Variants in ALK observed in about 807,000 individuals in gnomAD.
The protein encoded by ALK is ALK tyrosine kinase receptor.
In ALK, 74 loss-of-function variants were observed where a neutral mutation model predicts 163.1. The ratio of observed to expected loss-of-function variants is 0.45; its 90% CI spans 0.38 to 0.55. ALK has a LOEUF of 0.55. Ranked by LOEUF, ALK falls within the 20% of genes least tolerant of loss-of-function variation. The probability of loss-of-function intolerance (pLI) is 0.00; values close to 1 mark genes in which losing one functional copy is unlikely to be tolerated. For missense variants in ALK, 2,063 were observed against 2,105.3 expected (o/e 0.98, Z 0.39); for synonymous variants, 960 against 843.2 (o/e 1.14, Z -2.40).
chr2:29,212,972 T>C (rs1196547472), intron 24 of ALK, among the ~76,000 whole-genome samples: 1 of 152,238 alleles, frequency 6.6e-6, no homozygotes, highest in Non-Finnish European at 1.5e-5. Context: ...CCCAAAGTGC[T>C]GGGATTACAG....
At chr2:29,290,322 C>T (rs1248064201) in intron 9 of ALK, among the ~76,000 whole-genome samples, 1 of 152,194 alleles carries the variant, frequency 6.6e-6, no homozygotes, top group Non-Finnish European at 1.5e-5. Flanking sequence ...GAAGGGGGCA[C>T]AGGGCTGCCG....
intron 3 of ALK, among the ~76,000 whole-genome samples, chr2:29,566,920 G>GA (rs201740190): frequency 2.6e-5 from 4 of 151,328 alleles, no homozygotes; most frequent in African/African-American, 2.4e-5. Flanking sequence ...TATATACAAA[G>GA]AAAAAAAACT....
chr2:29,299,596 T>C (rs985494577), intron 8 of ALK, among the ~76,000 whole-genome samples: 1 of 152,202 alleles, frequency 6.6e-6, no homozygotes, highest in African/African-American at 2.4e-5. Context: ...GAAATAATAA[T>C]TGATGTAACA....
At chr2:29,322,095 A>G (rs2148252300) in intron 6 of ALK, among the ~76,000 whole-genome samples, 1 of 152,358 alleles carries the variant, frequency 6.6e-6, no homozygotes, top group Non-Finnish European at 1.5e-5. Context: ...CTCCCAGCCT[A>G]GCTGCAGAGA....
At chr2:29,512,136 C>G (rs1672538211) in intron 4 of ALK, among the ~76,000 whole-genome samples, 1 of 151,998 alleles carries the variant, frequency 6.6e-6, no homozygotes, top group Admixed American at 6.6e-5. Context: ...TTTTCTTACC[C>G]AAGTCTGCAA....
At chr2:29,651,932 A>G (rs115267827) in intron 3 of ALK, among the ~76,000 whole-genome samples, 1,621 of 152,268 alleles carry the variant, frequency 0.011, 27 homozygotes, top group African/African-American at 0.037. Flanking sequence ...TATGCAAGGG[A>G]ACAGCCTATA....
intron 5 of ALK, among the ~76,000 whole-genome samples, chr2:29,355,058 G>A (rs956446063): frequency 6.6e-6 from 1 of 152,104 alleles, no homozygotes; most frequent in African/African-American, 2.4e-5. Flanking sequence ...GAGCCACTAC[G>A]CCCGGCCAGC....
intron 1 of ALK, among the ~76,000 whole-genome samples, chr2:29,721,738 C>G (rs1679429129): frequency 6.6e-6 from 1 of 152,218 alleles, no homozygotes; most frequent in Non-Finnish European, 1.5e-5. Context: ...GGTCCTGCAT[C>G]AACAATTTTC....
At chr2:29,834,325 G>T (rs554028121) in intron 1 of ALK, among the ~76,000 whole-genome samples, 16 of 152,284 alleles carry the variant, frequency 1.1e-4, no homozygotes, top group African/African-American at 3.8e-4. Context: ...GATTTTGCCA[G>T]GTTTTGTGGG....
chr2:29,530,454 C>T (rs1046934130), intron 4 of ALK, among the ~76,000 whole-genome samples: 1 of 152,212 alleles, frequency 6.6e-6, no homozygotes, highest in Admixed American at 6.5e-5. Flanking sequence ...AATCCTCCCA[C>T]CCGCCACCAG....
intron 1 of ALK, among the ~76,000 whole-genome samples, chr2:29,739,934 A>G (rs1313907391): frequency 6.6e-6 from 1 of 152,136 alleles, no homozygotes. Context: ...ATGCAACTAG[A>G]AATGTGGATA....
intron 11 of ALK, among the ~76,000 whole-genome samples, chr2:29,257,584 C>T (rs1047908720): frequency 1.3e-5 from 2 of 152,178 alleles, no homozygotes; most frequent in African/African-American, 4.8e-5. Flanking sequence ...GGAAAGTTCT[C>T]GATCGTCACT....
chr2:29,424,903 T>C (rs1038014078), intron 4 of ALK, among the ~76,000 whole-genome samples: 1 of 152,294 alleles, frequency 6.6e-6, no homozygotes. Flanking sequence ...GTACCATAAA[T>C]AAAATTCACA....
intron 1 of ALK, among the ~76,000 whole-genome samples, chr2:29,883,153 G>T (rs867301892): frequency 1.3e-5 from 2 of 151,664 alleles, no homozygotes; most frequent in Middle Eastern, 6.9e-3. Context: ...AAAAGAAAAA[G>T]AAAAGAGGAA....
chr2:29,533,865 C>T (rs565033271), intron 3 of ALK, among the ~76,000 whole-genome samples: 31 of 152,102 alleles, frequency 2.0e-4, no homozygotes, highest in Non-Finnish European at 1.3e-4. Context: ...ATGTTGGGAG[C>T]CTTCAGGAAG....
intron 11 of ALK, among the ~76,000 whole-genome samples, chr2:29,266,190 C>A (rs1429222359): frequency 6.6e-6 from 1 of 152,172 alleles, no homozygotes; most frequent in Non-Finnish European, 1.5e-5. Context: ...ATCCTCTATA[C>A]CCCACACAAA....
At chr2:29,280,926 G>A (rs749804950) in intron 9 of ALK, among the ~76,000 whole-genome samples, 7 of 152,064 alleles carry the variant, frequency 4.6e-5, no homozygotes, top group Non-Finnish European at 8.8e-5. Context: ...ACCACTCTGG[G>A]ACTGAGGGAA....
intron 1 of ALK, among the ~76,000 whole-genome samples, chr2:29,734,328 A>C (rs1679831783): frequency 1.3e-5 from 2 of 152,170 alleles, no homozygotes; most frequent in Admixed American, 6.5e-5. Flanking sequence ...AAGAGAAGAG[A>C]CTGTCTAACG....
chr2:29,700,501 A>T (rs1298743662), intron 2 of ALK, among the ~76,000 whole-genome samples: 2 of 152,136 alleles, frequency 1.3e-5, no homozygotes, highest in African/African-American at 4.8e-5. Flanking sequence ...CCGAGACCCC[A>T]CCATTGCACT....
Sources: gnomAD v4.1 joint callset for allele counts (sites outside exome capture counted in the v4.1 genomes callset) on GRCh38, gnomAD v4.1.1 for gene constraint, MANE v1.5 for transcripts, NCBI Gene and HGNC (gene_info 2026-07-23, HGNC 2026-07-21) for gene names.